Variants in SETD3 observed in about 807,000 individuals in gnomAD.
The protein encoded by SETD3 is SET domain containing 3, actin N3(tau)-histidine methyltransferase.
SETD3 carries 19 observed loss-of-function variants against 63.0 expected under a neutral mutation model. The observed-to-expected ratio is 0.30, with a 90% CI of 0.21 to 0.44. The LOEUF is 0.44. Ranked by LOEUF, SETD3 falls within the 20% of genes least tolerant of loss-of-function variation. The pLI, the probability that SETD3 is intolerant of heterozygous loss-of-function variation, is 1.00. For missense variants in SETD3, 587 were observed against 728.5 expected (o/e 0.81, Z 2.24); for synonymous variants, 286 against 264.1 (o/e 1.08, Z -0.80).
At chr14:99,467,331 G>C (rs1368110323) in intron 1 of SETD3, among the ~76,000 whole-genome samples, 1 of 152,172 alleles carries the variant, frequency 6.6e-6, no homozygotes, top group Non-Finnish European at 1.5e-5. Context: ...TAAGTGAGGG[G>C]AGGGCAGGAT....
intron 6 of SETD3, among the ~76,000 whole-genome samples, chr14:99,435,543 G>T (rs558795189): frequency 6.6e-6 from 1 of 152,270 alleles, no homozygotes; most frequent in East Asian, 1.9e-4. Flanking sequence ...AACTGGCAAG[G>T]ACTATCCTGG....
rs555157540 is a variant in SETD3 at position 99,418,418 on chromosome 14, G to A, written c.676-4484C>T. Among the ~76,000 whole-genome samples, 8 of 152,178 alleles carry A rather than the reference G, an allele frequency of 5.3e-5. No individual in the cohort carries two copies. In the South Asian group the frequency reaches 1.2e-3, roughly 24 times the overall value. On this transcript the variant is annotated intron_variant, in intron 6 of 12. Coordinates refer to ENST00000331768, the MANE Select transcript of SETD3 (RefSeq NM_032233.3). Reference sequence around the variant, plus strand: ...CCAGGAACAGACACACCTAACTCACGTGATGGTTTCATTTTCCTTCCTTCT... The same window carrying A: ...CCAGGAACAGACACACCTAACTCACATGATGGTTTCATTTTCCTTCCTTCT...
intron 6 of SETD3, among the ~76,000 whole-genome samples, chr14:99,418,033 T>C (rs1892373723): frequency 6.6e-6 from 1 of 152,202 alleles, no homozygotes; most frequent in Admixed American, 6.5e-5. Context: ...AAGTTGAACA[T>C]ATTAATCACC....
chr14:99,451,439 C>A (rs1015196991), intron 6 of SETD3, among the ~76,000 whole-genome samples: 1 of 152,222 alleles, frequency 6.6e-6, no homozygotes, highest in African/African-American at 2.4e-5. Context: ...GGGTGGTAGA[C>A]TTTCCTCAAC....
intron 1 of SETD3, among the ~76,000 whole-genome samples, chr14:99,472,026 TC>T (rs1208725076): frequency 6.6e-6 from 1 of 152,146 alleles, no homozygotes; most frequent in African/African-American, 2.4e-5. Context: ...AAACCTGAAA[TC>T]CTGCATTAGC....
chr14:99,442,099 CACTG>C (rs1893855447), intron 6 of SETD3, among the ~76,000 whole-genome samples: 1 of 152,206 alleles, frequency 6.6e-6, no homozygotes, highest in South Asian at 2.1e-4. Flanking sequence ...GGACACAGCA[CACTG>C]ACTGAGCACA....
At chr14:99,457,394 AAAT>A (rs1412860582) in intron 6 of SETD3, among the ~76,000 whole-genome samples, 3 of 152,252 alleles carry the variant, frequency 2.0e-5, no homozygotes, top group Admixed American at 6.5e-5. Flanking sequence ...TACAAAGTGA[AAAT>A]AATAAACGGA....
chr14:99,461,619 T>C (rs1895067565), intron 3 of SETD3, among the ~76,000 whole-genome samples: 1 of 152,254 alleles, frequency 6.6e-6, no homozygotes, highest in African/African-American at 2.4e-5. Context: ...GGTAATACGA[T>C]GGCAAAGGGC....
chr14:99,416,994 A>C (rs1482620453), intron 6 of SETD3, among the ~76,000 whole-genome samples: 2 of 152,176 alleles, frequency 1.3e-5, no homozygotes, highest in African/African-American at 4.8e-5. Flanking sequence ...TTAATATCTA[A>C]AATTGTTTGT....
At chr14:99,426,971 A>G (rs981011265) in intron 6 of SETD3, among the ~76,000 whole-genome samples, 3 of 152,124 alleles carry the variant, frequency 2.0e-5, no homozygotes, top group Non-Finnish European at 4.4e-5. Flanking sequence ...TGCTGCAATC[A>G]GTAACTCAGG....
At chr14:99,447,576 G>T (rs756019128) in intron 6 of SETD3, among the ~76,000 whole-genome samples, 1 of 152,180 alleles carries the variant, frequency 6.6e-6, no homozygotes. Flanking sequence ...CAGCTATCAC[G>T]AACAGGCAAG....
At chr14:99,474,825 G>C (rs1005749750) in intron 1 of SETD3, among the ~76,000 whole-genome samples, 2 of 151,820 alleles carry the variant, frequency 1.3e-5, no homozygotes, top group African/African-American at 4.8e-5. Flanking sequence ...GCAAGACTGT[G>C]TCTCAAAAAT....
intron 6 of SETD3, among the ~76,000 whole-genome samples, chr14:99,441,247 C>G (rs1397839228): frequency 6.6e-6 from 1 of 152,200 alleles, no homozygotes; most frequent in Non-Finnish European, 1.5e-5. Context: ...CTCCTTATAC[C>G]ACTTACGACT....
intron 1 of SETD3, among the ~76,000 whole-genome samples, chr14:99,475,410 G>A (rs1212633880): frequency 6.6e-6 from 1 of 152,264 alleles, no homozygotes; most frequent in Non-Finnish European, 1.5e-5. Context: ...AAGGCAGATT[G>A]CCAGTAAGAG....
chr14:99,482,113 C>T (rs192548362), upstream of SETD3, among the ~76,000 whole-genome samples: 2 of 152,328 alleles, frequency 1.3e-5, no homozygotes, highest in East Asian at 3.9e-4. Context: ...AGCTCCTAAA[C>T]GATTGTCTGC....
At chr14:99,402,497 A>G (rs1161081043) in intron 11 of SETD3, among the ~76,000 whole-genome samples, 1 of 152,148 alleles carries the variant, frequency 6.6e-6, no homozygotes, top group Non-Finnish European at 1.5e-5. Context: ...ATCACGGCTC[A>G]CTGCAGCCTC....
intron 6 of SETD3, among the ~76,000 whole-genome samples, chr14:99,420,952 G>C (rs910186507): frequency 3.1e-5 from 2 of 64,194 alleles, no homozygotes; most frequent in Admixed American, 2.9e-4. Context: ...GAGGGCGGGG[G>C]GGGGGGGGGG....
intron 1 of SETD3, among the ~76,000 whole-genome samples, chr14:99,466,785 A>G (rs1458496736): frequency 6.6e-6 from 1 of 152,164 alleles, no homozygotes; most frequent in African/African-American, 2.4e-5. Flanking sequence ...TTGATTCTCC[A>G]GAGACAAGGG....
intron 6 of SETD3, among the ~76,000 whole-genome samples, chr14:99,433,352 A>G (rs1027002859): frequency 2.0e-5 from 3 of 152,136 alleles, no homozygotes; most frequent in Non-Finnish European, 2.9e-5. Flanking sequence ...ACTTATAAAA[A>G]CAGTGTAAAA....
Sources: gnomAD v4.1 joint callset for allele counts (sites outside exome capture counted in the v4.1 genomes callset) on GRCh38, gnomAD v4.1.1 for gene constraint, MANE v1.5 for transcripts, NCBI Gene and HGNC (gene_info 2026-07-23, HGNC 2026-07-21) for gene names.